Variants in RAB27B observed in about 807,000 individuals in gnomAD.
RAB27B encodes ras-related protein Rab-27B.
RAB27B carries 15 observed loss-of-function variants against 24.6 expected under a neutral mutation model. That is an observed-to-expected ratio of 0.61 (90% CI 0.41 to 0.94). RAB27B has a LOEUF of 0.94. Ranked by LOEUF, RAB27B falls within the 40% of genes least tolerant of loss-of-function variation. The probability of loss-of-function intolerance (pLI) is 0.00; values close to 1 mark genes in which losing one functional copy is unlikely to be tolerated. For missense variants in RAB27B, 261 were observed against 266.8 expected, an observed-to-expected ratio of 0.98 and a Z score of 0.15; for synonymous variants, 105 against 92.5, an observed-to-expected ratio of 1.14 and a Z score of -0.78.
intron 1 of RAB27B, among the ~76,000 whole-genome samples, chr18:54,867,438 TTTTC>T (rs1209573074): frequency 2.3e-4 from 13 of 57,432 alleles, no homozygotes; most frequent in South Asian, 2.7e-3. Flanking sequence ...TTTTCTTTTC[TTTTC>T]TTTTTTTTTT....
At chr18:54,771,371 G>C (rs1258059219) in intron 2 of RAB27B, among the ~76,000 whole-genome samples, 3 of 152,104 alleles carry the variant, frequency 2.0e-5, no homozygotes, top group Non-Finnish European at 4.4e-5. Flanking sequence ...AATGTCTCAG[G>C]GTCTTGGCTA....
At chr18:54,838,116 A>G (rs962671102) in intron 1 of RAB27B, among the ~76,000 whole-genome samples, 13 of 152,180 alleles carry the variant, frequency 8.5e-5, no homozygotes, top group African/African-American at 3.1e-4. Context: ...TTTAATTAGT[A>G]GCTTTGTTCT....
chr18:54,758,639 A>AAG, intron 2 of RAB27B, among the ~76,000 whole-genome samples: 1 of 151,486 alleles, frequency 6.6e-6, no homozygotes, highest in Admixed American at 6.6e-5. Flanking sequence ...AACAATTAAA[A>AAG]AAAAAAAAAA....
chr18:54,846,432 A>G (rs965590839), intron 1 of RAB27B, among the ~76,000 whole-genome samples: 2 of 152,254 alleles, frequency 1.3e-5, no homozygotes, highest in African/African-American at 4.8e-5. Context: ...TCCTGTGAAT[A>G]ACAAGAATGA....
chr18:54,848,626 G>A (rs1034430462), intron 1 of RAB27B, among the ~76,000 whole-genome samples: 1 of 152,156 alleles, frequency 6.6e-6, no homozygotes. Context: ...ACAATTAAAT[G>A]GAGATGCAAT....
upstream of RAB27B, among the ~76,000 whole-genome samples, chr18:54,824,666 C>T (rs1910417104): frequency 6.6e-6 from 1 of 152,154 alleles, no homozygotes; most frequent in African/African-American, 2.4e-5. Context: ...ATGAACCAGA[C>T]CTCAGTGACA....
chr18:54,791,539 C>T (rs1568067092), intron 2 of RAB27B, among the ~76,000 whole-genome samples: 1 of 152,132 alleles, frequency 6.6e-6, no homozygotes, highest in African/African-American at 2.4e-5. Flanking sequence ...AGTGTGATCC[C>T]TTTAAATGAT....
At chr18:54,858,377 GTTTTTTTTTTTT>G (rs4071703) in intron 1 of RAB27B, among the ~76,000 whole-genome samples, 63 of 127,838 alleles carry the variant, frequency 4.9e-4, no homozygotes, top group African/African-American at 1.8e-3. Context: ...CAGGAAAACT[GTTTTTTTTTTTT>G]TTTTTTTTTT....
rs1221510532 is a variant in RAB27B, at chr18:54,893,572, G to C, written c.*4159G>C. 2 of 151,998 alleles carry C rather than the reference G, an allele frequency of 1.3e-5. No individual in the cohort carries two copies. Among genetic ancestry groups the C allele is most frequent in the East Asian group, 3.9e-4 (2 of 5,188 alleles). 9.4% of individuals were successfully genotyped at this position (151,998 alleles called of 1,614,324 possible). The stretch of plus-strand genomic sequence containing the variant: ...ACCAAGGTGATGTCAGCTTATTTCT[G>C]GGGAAGGTGTTGAGCTCTTATACAT... On this transcript the variant is annotated 3_prime_UTR_variant, in exon 6 of 6. Coordinates refer to ENST00000262094, the MANE Select transcript of RAB27B (RefSeq NM_004163.4).
At chr18:54,751,173 A>C (rs1302323659) in intron 2 of RAB27B, among the ~76,000 whole-genome samples, 1 of 152,142 alleles carries the variant, frequency 6.6e-6, no homozygotes, top group Non-Finnish European at 1.5e-5. Context: ...TAGGAGCTTG[A>C]GGCACTGGAG....
chr18:54,827,234 G>A (rs1055418858), upstream of RAB27B, among the ~76,000 whole-genome samples: 1 of 152,308 alleles, frequency 6.6e-6, no homozygotes, highest in Non-Finnish European at 1.5e-5. Flanking sequence ...TACTTGGGGA[G>A]AATGGAATAG....
chr18:54,827,426 T>A (rs1343075266), upstream of RAB27B, among the ~76,000 whole-genome samples: 2 of 152,250 alleles, frequency 1.3e-5, no homozygotes, highest in Non-Finnish European at 2.9e-5. Context: ...TCTTTAATAG[T>A]TTCATAATAG....
intron 2 of RAB27B, among the ~76,000 whole-genome samples, chr18:54,733,741 G>A (rs1338681044): frequency 6.9e-6 from 1 of 144,574 alleles, no homozygotes; most frequent in Non-Finnish European, 1.5e-5. Flanking sequence ...AGCAGGTCCT[G>A]CATCAACTCA....
upstream of RAB27B, among the ~76,000 whole-genome samples, chr18:54,825,046 T>C (rs1050556925): frequency 6.6e-6 from 1 of 152,232 alleles, no homozygotes; most frequent in African/African-American, 2.4e-5. Flanking sequence ...TCCTTGCATA[T>C]CTGAAAATTT....
At chr18:54,764,300 ATATGGG>A (rs1908290028) in intron 2 of RAB27B, among the ~76,000 whole-genome samples, 1 of 152,186 alleles carries the variant, frequency 6.6e-6, no homozygotes, top group Non-Finnish European at 1.5e-5. Flanking sequence ...TCTCATATCC[ATATGGG>A]TAAATTTCAA....
At chr18:54,881,060 A>G (rs1226203461) in intron 3 of RAB27B, among the ~76,000 whole-genome samples, 1 of 152,148 alleles carries the variant, frequency 6.6e-6, no homozygotes, top group African/African-American at 2.4e-5. Flanking sequence ...TAAAGGATAC[A>G]AGGCACAGAC....
Position 54,890,324 on chromosome 18 carries a change from C to T in RAB27B, c.*911C>T, listed in dbSNP as rs986175700. 6.6e-6 allele frequency: 1 copy of T among 152,186 alleles called. No homozygotes were observed. The highest frequency in any genetic ancestry group is 6.5e-5 in the Admixed American group (1 of 15,278). The allele number at this position is 152,186 out of a possible 1,614,324, so 9.4% of individuals were successfully genotyped here. A position where few individuals can be genotyped will look rare whatever the true frequency, so the allele number is the denominator to read the frequency against. Reference sequence around the variant, plus strand: ...AGCTTCACATTTCATTTTTTCTTAGCACATGTTGATAAAATAGTCACAAGG... The same window carrying T: ...AGCTTCACATTTCATTTTTTCTTAGTACATGTTGATAAAATAGTCACAAGG... On this transcript the variant is annotated 3_prime_UTR_variant, in exon 6 of 6. Coordinates refer to ENST00000262094, the MANE Select transcript of RAB27B (RefSeq NM_004163.4).
intron 2 of RAB27B, among the ~76,000 whole-genome samples, chr18:54,787,275 G>C (rs1909117054): frequency 6.6e-6 from 1 of 152,164 alleles, no homozygotes; most frequent in Non-Finnish European, 1.5e-5. Context: ...CACTGCTTTT[G>C]AGACTTTCGC....
chr18:54,752,042 G>A (rs144591961), intron 2 of RAB27B, among the ~76,000 whole-genome samples: 19 of 152,226 alleles, frequency 1.2e-4, no homozygotes, highest in South Asian at 4.2e-4. Flanking sequence ...AGTTCTTCCC[G>A]TCACAGAAGT....
Sources: allele counts gnomAD v4.1 joint callset (sites outside exome capture counted in the v4.1 genomes callset), GRCh38; gene constraint gnomAD v4.1.1; transcripts MANE v1.5; gene names NCBI Gene and HGNC (gene_info 2026-07-23, HGNC 2026-07-21).